Variants in MALRD1 observed in about 807,000 individuals in gnomAD.
MALRD1 encodes MAM and LDL-receptor class A domain-containing protein 1.
MALRD1 carries 247 observed loss-of-function variants against 242.1 expected under a neutral mutation model. The ratio of observed to expected loss-of-function variants is 1.02; its 90% CI spans 0.92 to 1.13. MALRD1 has a LOEUF of 1.13. MALRD1 is among the 50% of genes most tolerant of loss of function. The probability of loss-of-function intolerance (pLI) is 0.00; values close to 1 mark genes in which losing one functional copy is unlikely to be tolerated. For synonymous variants in MALRD1, 995 were observed against 866.6 expected (o/e 1.15, Z -2.60); for missense variants, 2,989 against 2,533.1 (o/e 1.18, Z -3.86).
chr10:19,130,315 C>A (rs998861067), intron 8 of MALRD1, among the ~76,000 whole-genome samples: 11 of 152,104 alleles, frequency 7.2e-5, no homozygotes, highest in Non-Finnish European at 1.5e-4. Context: ...GTTGCTGTCA[C>A]CTGTGCTGTT....
At chr10:19,290,992 C>T (rs968643060) in intron 21 of MALRD1, among the ~76,000 whole-genome samples, 14 of 151,984 alleles carry the variant, frequency 9.2e-5, no homozygotes, top group Non-Finnish European at 1.8e-4. Flanking sequence ...AGCCAAGCAC[C>T]GTAAGTTTTA....
At chr10:19,668,856 G>A (rs1841795642) in intron 36 of MALRD1, among the ~76,000 whole-genome samples, 1 of 152,110 alleles carries the variant, frequency 6.6e-6, no homozygotes, top group South Asian at 2.1e-4. Context: ...TATCCAAATA[G>A]TAGAAATTCC....
intron 4 of MALRD1, among the ~76,000 whole-genome samples, chr10:19,097,960 T>C (rs1007861366): frequency 6.6e-6 from 1 of 152,182 alleles, no homozygotes; most frequent in Non-Finnish European, 1.5e-5. Flanking sequence ...GTTCCTCCTC[T>C]TACTTTCGGG....
At chr10:19,662,005 G>T (rs960404876) in intron 36 of MALRD1, among the ~76,000 whole-genome samples, 1 of 151,898 alleles carries the variant, frequency 6.6e-6, no homozygotes, top group Non-Finnish European at 1.5e-5. Flanking sequence ...TATATAAATG[G>T]ATTCAATATG....
Position 19,708,300 on chromosome 10 carries a change from A to G in MALRD1, c.6314+15746A>G, listed in dbSNP as rs1164135847. ...TTACACCATGACTACATATGATGTT[A>G]TGTGTTTTTTTTTTTAACCTTCTTT... On this transcript the variant is annotated intron_variant, in intron 38 of 39. Transcript: ENST00000454679. Among the ~76,000 whole-genome samples the G allele has an allele frequency of 9.2e-4, 103 of 112,300 alleles. 12 individuals carry two copies. Among genetic ancestry groups the G allele is most frequent in the African/African-American group, 2.5e-3 (89 of 36,070 alleles). The allele number at this position is 112,300 out of a possible 152,430, so 73.7% of individuals were successfully genotyped here.
intron 29 of MALRD1, among the ~76,000 whole-genome samples, chr10:19,464,784 G>A (rs1269803353): frequency 1.3e-5 from 2 of 152,062 alleles, no homozygotes; most frequent in Middle Eastern, 3.2e-3. Flanking sequence ...CATTGAATTT[G>A]TAGATTGCTT....
At position 19,605,292 on chromosome 10, in the gene MALRD1, C is replaced by G. The variant is rs191984675; in HGVS notation, c.5945-2485C>G. Among the ~76,000 whole-genome samples, 739 of 151,462 alleles carry G rather than the reference C, an allele frequency of 4.9e-3. 7 individuals carry two copies. The highest frequency in any genetic ancestry group is 8.6e-3 in the Admixed American group (131 of 15,206). On this transcript the variant is annotated intron_variant, in intron 34 of 39. Coordinates refer to ENST00000454679, the MANE Select transcript of MALRD1 (RefSeq NM_001142308.3). The stretch of plus-strand genomic sequence containing the variant: ...TCCTCAGTCTCCCAAGTAGCTGGCA[C>G]TACAGGCATGAGCCACCAATCCTGG...
At chr10:19,156,391 C>G (rs1034935392) in intron 12 of MALRD1, among the ~76,000 whole-genome samples, 3 of 150,772 alleles carry the variant, frequency 2.0e-5, no homozygotes, top group Admixed American at 2.0e-4. Flanking sequence ...ATGCCTTTTA[C>G]CCATTCCCAC....
intron 21 of MALRD1, among the ~76,000 whole-genome samples, chr10:19,293,931 G>A (rs1370695925): frequency 2.6e-5 from 4 of 152,082 alleles, no homozygotes; most frequent in Admixed American, 1.3e-4. Flanking sequence ...AAATGCAGTC[G>A]CTTGAGGTAC....
chr10:19,477,906 A>G (rs1836814336), intron 29 of MALRD1, among the ~76,000 whole-genome samples: 1 of 152,186 alleles, frequency 6.6e-6, no homozygotes, highest in Non-Finnish European at 1.5e-5. Context: ...ATGGTTGACA[A>G]AAGGGAAGTT....
chr10:19,071,595 A>G (rs1835149931), intron 2 of MALRD1, among the ~76,000 whole-genome samples: 1 of 151,940 alleles, frequency 6.6e-6, no homozygotes, highest in South Asian at 2.1e-4. Flanking sequence ...TGTTTTTCTA[A>G]CGTAATCATT....
intron 18 of MALRD1, among the ~76,000 whole-genome samples, chr10:19,249,335 A>G (rs1839204330): frequency 1.3e-5 from 2 of 151,898 alleles, no homozygotes; most frequent in African/African-American, 2.4e-5. Context: ...CACGGTTTCA[A>G]AGTAAAAGGA....
At chr10:19,236,568 C>T (rs1004606163) in intron 18 of MALRD1, among the ~76,000 whole-genome samples, 6 of 152,146 alleles carry the variant, frequency 3.9e-5, no homozygotes, top group Non-Finnish European at 7.4e-5. Context: ...GCCTCTCACT[C>T]TTACTTCCTA....
chr10:19,212,055 G>C (rs1490191177), intron 18 of MALRD1, among the ~76,000 whole-genome samples: 1 of 152,126 alleles, frequency 6.6e-6, no homozygotes, highest in African/African-American at 2.4e-5. Context: ...GTCAGTAAAG[G>C]CTCAGGAAAT....
intron 38 of MALRD1, among the ~76,000 whole-genome samples, chr10:19,707,547 G>A (rs1833924257): frequency 1.3e-5 from 2 of 152,210 alleles, no homozygotes; most frequent in African/African-American, 2.4e-5. Flanking sequence ...GCATAAGCCT[G>A]TTCAGACGAG....
At chr10:19,176,620 C>G (rs553350170) in intron 14 of MALRD1, among the ~76,000 whole-genome samples, 1 of 150,774 alleles carries the variant, frequency 6.6e-6, no homozygotes, top group Non-Finnish European at 1.5e-5. Flanking sequence ...ATGATCCACC[C>G]GCCTCGGCCT....
At chr10:19,247,272 C>A (rs1382641082) in intron 18 of MALRD1, among the ~76,000 whole-genome samples, 1 of 151,882 alleles carries the variant, frequency 6.6e-6, no homozygotes, top group African/African-American at 2.4e-5. Context: ...AAATTAATGA[C>A]CCTCAACATG....
intron 35 of MALRD1, among the ~76,000 whole-genome samples, chr10:19,609,467 C>T (rs939906648): frequency 1.3e-5 from 2 of 152,046 alleles, no homozygotes; most frequent in African/African-American, 4.8e-5. Flanking sequence ...ACACATTACT[C>T]TTTCTTTCCA....
chr10:19,159,708 G>T (rs1379537016), intron 12 of MALRD1, among the ~76,000 whole-genome samples: 1 of 152,012 alleles, frequency 6.6e-6, no homozygotes, highest in Admixed American at 6.6e-5. Flanking sequence ...TCATGACCTT[G>T]GGTGTCCCAG....
Sources: allele counts gnomAD v4.1 joint callset (sites outside exome capture counted in the v4.1 genomes callset), GRCh38; gene constraint gnomAD v4.1.1; transcripts MANE v1.5; gene names NCBI Gene and HGNC (gene_info 2026-07-23, HGNC 2026-07-21).